The following ZAN variants were observed in gnomAD, a reference collection of about 807,000 sequenced individuals.
The protein encoded by ZAN is zonadhesin, also known as zonadhesin (gene/pseudogene).
ZAN carries 260 observed loss-of-function variants against 286.2 expected under a neutral mutation model. That is an observed-to-expected ratio of 0.91 (90% CI 0.82 to 1.01). ZAN has a LOEUF of 1.01. Among genes scored for constraint, ZAN ranks in the 50% least tolerant of loss-of-function variants. The pLI is 0.00. For synonymous variants in ZAN, 1,368 were observed against 1,417.5 expected, an observed-to-expected ratio of 0.97 and a Z score of 0.79; for missense variants, 3,410 against 3,639.2, an observed-to-expected ratio of 0.94 and a Z score of 1.62.
At chr7:100,767,307 CT>C in intron 25 of ZAN, 50 bp downstream of exon 25, 9 of 1,570,510 alleles carry the variant, frequency 5.7e-6, no homozygotes, top group Non-Finnish European at 7.7e-6. Context: ...AGCCTGCTTG[CT>C]TCTCTCCTGT....
At position 100,786,239 on chromosome 7, in the gene ZAN, C is replaced by T; in HGVS notation, c.6979+98C>T. The T allele has an allele frequency of 3.3e-6, 5 of 1,529,884 alleles. No individual in the cohort carries two copies. In the Admixed American group the frequency reaches 5.5e-5, roughly 17 times the overall value. 94.8% of individuals were successfully genotyped at this position (1,529,884 alleles called of 1,614,324 possible). A position where few individuals can be genotyped will look rare whatever the true frequency, so the allele number is the denominator to read the frequency against. ...GTGGGAAGGGGCTTAGCCTGAACCCCAGCACAGTCAGGGGTTGGGGCGGGC... is the reference window on the plus strand; with the variant it reads ...GTGGGAAGGGGCTTAGCCTGAACCCTAGCACAGTCAGGGGTTGGGGCGGGC... On this transcript the variant is annotated intron_variant, in intron 37 of 47. Transcript: ENST00000613979.
intron 17 of ZAN, among the ~76,000 whole-genome samples, chr7:100,759,080 C>G (rs1809359251): frequency 6.6e-6 from 1 of 151,918 alleles, no homozygotes; most frequent in South Asian, 2.1e-4. Context: ...AAAAAATTAG[C>G]CAGGCTTGGT....
chr7:100,736,986 G>T lies in ZAN; in HGVS notation c.431G>T (p.Arg144Leu). ...CTGCTCTCGGGTGAAGAGGGCCGCC[G>T]CCCCGATGTGCTCTGGAAACACTGG... is the stretch of plus-strand genomic sequence containing the variant. ...LLLLSGEEGR[R>L]PDVLWKHWNT... Residue 144 changes from arginine (R) to leucine (L), a missense_variant, in exon 5 of 48, where the codon CGC (arginine) becomes CTC (leucine). This residue lies in a region of ZAN where 872 missense variants were observed against 938.9 expected (regional missense o/e 0.93). Transcript: ENST00000613979. 1.3e-6 allele frequency: 2 copies of T among 1,502,128 alleles called. 1 individual carries two copies. Among genetic ancestry groups the T allele is most frequent in the Non-Finnish European group, 1.8e-6 (2 of 1,097,518 alleles). The allele number at this position is 1,502,128 out of a possible 1,614,324, so 93.0% of individuals were successfully genotyped here. A position where few individuals can be genotyped will look rare whatever the true frequency, so the allele number is the denominator to read the frequency against.
Position 100,773,850 on chromosome 7 carries a change from C to T in ZAN, c.5764C>T (p.His1922Tyr), listed in dbSNP as rs314299. 2.0e-6 allele frequency: 1 copy of T among 489,250 alleles called. No homozygotes were observed. Among genetic ancestry groups the T allele is most frequent in the Non-Finnish European group, 3.4e-6 (1 of 290,936 alleles). The allele number at this position is 489,250 out of a possible 1,614,324, so 30.3% of individuals were successfully genotyped here. A position where few individuals can be genotyped will look rare whatever the true frequency, so the allele number is the denominator to read the frequency against. The part of the protein sequence containing the change: ...QICWALDGLL[H>Y]CRASGVGVCQ... ...ATGCTGGGCCCTGGATGGGCTGCTC[C>T]ATTGTCGGGCCTCAGGTAGGAGGAC... The change falls in exon 31 of 48, where the codon CAT (histidine) becomes TAT (tyrosine). Residue 1922 changes from histidine to tyrosine, a missense_variant. Coordinates refer to ENST00000613979, the MANE Select transcript of ZAN (RefSeq NM_003386.3).
rs191242633 is a variant in ZAN, at chr7:100,776,546, A to T, written c.6299A>T (p.Asp2100Val). 1 of 1,558,666 alleles carries T rather than the reference A, an allele frequency of 6.4e-7. No individual in the cohort carries two copies. The highest frequency in any genetic ancestry group is 2.4e-5 in the East Asian group (1 of 41,754). ...SDSEFVNSWK[D>V]KDIDPSCQSL... ...AGTGAATTTGTGAACAGTTGGAAAG[A>T]TAAGGACATTGACCCAAGGTAGTGG... Residue 2100 changes from aspartate to valine, a missense_variant, in exon 34 of 48, where the codon GAT becomes GTT. This residue lies in a region of ZAN where 1,289 missense variants were observed against 1,314.3 expected (regional missense o/e 0.98). Transcript: ENST00000613979.
At position 100,738,512 on chromosome 7, in the gene ZAN, G is replaced by A. The variant is rs1219248365; in HGVS notation, c.665G>A (p.Trp222Ter). 7.4e-6 allele frequency: 11 copies of A among 1,494,856 alleles called. 2 individuals carry two copies. The highest frequency in any genetic ancestry group is 1.0e-5 in the Non-Finnish European group (11 of 1,092,714). 92.6% of individuals were successfully genotyped at this position (1,494,856 alleles called of 1,614,324 possible). The change falls in exon 7 of 48, where the codon TGG becomes TAG. Residue 222 changes from tryptophan to a stop codon, truncating the protein, a stop_gained. Coordinates refer to ENST00000613979, the MANE Select transcript of ZAN (RefSeq NM_003386.3). LOFTEE classifies it high-confidence loss of function. ...SFDIPNDLCD[W>*]TWIPTASGAK... ...GACATTCCAAATGACCTCTGTGACT[G>A]GACCTGGATCCCAACTGCCTCCGGG... is the stretch of plus-strand genomic sequence containing the variant.
At chr7:100,784,101 A>G (rs1811397529) in intron 35 of ZAN, among the ~76,000 whole-genome samples, 1 of 147,116 alleles carries the variant, frequency 6.8e-6, no homozygotes, top group Non-Finnish European at 1.5e-5. Context: ...ACCGTCCTTC[A>G]TGCTGGCTTG....
intron 31 of ZAN, 69 bp from the exon 32 acceptor site, chr7:100,775,259 A>G (rs1252828902): frequency 1.3e-6 from 2 of 1,550,138 alleles, no homozygotes; most frequent in Middle Eastern, 1.7e-4. Context: ...AGAACCCAGG[A>G]CTAGTTTCCC....
At chr7:100,768,260 T>C (rs2116065469) in intron 26 of ZAN, among the ~76,000 whole-genome samples, 1 of 152,174 alleles carries the variant, frequency 6.6e-6, no homozygotes, top group African/African-American at 2.4e-5. Context: ...TCACTTGAGG[T>C]CAAGGGTTCG....
chr7:100,737,228 C>T (rs773605916), intron 5 of ZAN, 34 bp from the exon 6 acceptor site: 4 of 1,433,520 alleles, frequency 2.8e-6, no homozygotes, highest in Non-Finnish European at 2.9e-6. Flanking sequence ...GGCTGAGGGG[C>T]TCATGGGGTT....
chr7:100,778,184 G>C (rs559208), intron 34 of ZAN, among the ~76,000 whole-genome samples: 1 of 151,814 alleles, frequency 6.6e-6, no homozygotes, highest in South Asian at 2.1e-4. Flanking sequence ...GCACATGCCT[G>C]TAGTCCCAGC....
intron 23 of ZAN, 116 bp from the exon 24 acceptor site, chr7:100,766,409 C>T (rs1477446006): frequency 3.9e-6 from 5 of 1,278,978 alleles, no homozygotes; most frequent in African/African-American, 3.0e-5. Context: ...AGGATGTCTC[C>T]CCACTATTAA....
chr7:100,795,360 G>A, intron 45 of ZAN, 24 bp downstream of exon 45: 1 of 1,521,308 alleles, frequency 6.6e-7, no homozygotes, highest in South Asian at 1.3e-5. Context: ...CCAAGGCCCT[G>A]TACCCTCACA....
rs1021511302 is a variant in ZAN, at chr7:100,748,013, A to G, written c.1024-124A>G. On this transcript the variant is annotated intron_variant, in intron 9 of 47. Transcript: ENST00000613979. ...AAAAAAAAAAAAAAAGAAAGAAAGA[A>G]CTGAATTGAGGGTCTGGGCACAGGG... 26 of 747,206 alleles carry G rather than the reference A, an allele frequency of 3.5e-5. No homozygotes were observed. In the African/African-American group the frequency reaches 4.1e-4, roughly 12 times the overall value. The allele number at this position is 747,206 out of a possible 1,614,324, so 46.3% of individuals were successfully genotyped here.
intron 45 of ZAN, 131 bp downstream of exon 45, chr7:100,795,467 A>G (rs1279833161): frequency 2.2e-6 from 2 of 914,068 alleles, no homozygotes; most frequent in Non-Finnish European, 2.8e-6. Context: ...GATATTATAT[A>G]TTATAAACAT....
chr7:100,750,624 G>A lies in ZAN; in HGVS notation c.1250-1G>A. On this transcript the variant is annotated splice_acceptor_variant, in intron 11 of 47. Transcript: ENST00000613979. LOFTEE classifies it high-confidence loss of function. ...CTTGCCTGTTCCCTTCCTTTGCCTA[G>A]GGGGTCACTATATCTACCTTGAGGC... The A allele has an allele frequency of 6.2e-7, 1 of 1,612,900 alleles. No individual in the cohort carries two copies. Among genetic ancestry groups the A allele is most frequent in the Middle Eastern group, 1.6e-4 (1 of 6,062 alleles).
chr7:100,736,747 A>T, intron 4 of ZAN, 62 bp from the exon 5 acceptor site: 1 of 1,456,410 alleles, frequency 6.9e-7, no homozygotes, highest in South Asian at 1.2e-5. Flanking sequence ...TGAGAAGGGG[A>T]TGGGTGGGGG....
chr7:100,739,672 T>G (rs1807605527), intron 7 of ZAN, among the ~76,000 whole-genome samples: 1 of 134,670 alleles, frequency 7.4e-6, no homozygotes, highest in Admixed American at 7.3e-5. Flanking sequence ...ATTTATTTAT[T>G]TTGGAGACAG....
chr7:100,780,057 G>A (rs1446860898), intron 35 of ZAN, among the ~76,000 whole-genome samples: 2 of 151,988 alleles, frequency 1.3e-5, no homozygotes, highest in Non-Finnish European at 1.5e-5. Context: ...GCCGGGTGTG[G>A]TGGCACATGC....
Sources: gnomAD v4.1 joint callset for allele counts (sites outside exome capture counted in the v4.1 genomes callset) on GRCh38, gnomAD v4.1.1 for gene constraint, gnomAD v4.1.1 regional missense constraint, MANE v1.5 for transcripts, NCBI Gene and HGNC (gene_info 2026-07-23, HGNC 2026-07-21) for gene names.